Variants in SGCZ observed in about 807,000 individuals in gnomAD.
SGCZ encodes the protein sarcoglycan zeta.
A neutral mutation model predicts 41.3 loss-of-function variants in SGCZ; 40 were observed. The observed-to-expected ratio is 0.97, with a 90% CI of 0.75 to 1.26. The LOEUF is 1.26. Ranked by LOEUF, SGCZ falls within the 50% of genes most tolerant of loss-of-function variation. The pLI, the probability that SGCZ is intolerant of heterozygous loss-of-function variation, is 0.00. For missense variants in SGCZ, 552 were observed against 369.8 expected (o/e 1.49, Z -4.04); for synonymous variants, 206 against 137.5 (o/e 1.50, Z -3.49).
chr8:14,936,619 G>A (rs1248595735), intron 1 of SGCZ, among the ~76,000 whole-genome samples: 1 of 151,788 alleles, frequency 6.6e-6, no homozygotes, highest in African/African-American at 2.4e-5. Context: ...TTTGAACCCA[G>A]TCATTATAGA....
chr8:14,558,882 C>T (rs1804119873), intron 1 of SGCZ, among the ~76,000 whole-genome samples: 1 of 151,994 alleles, frequency 6.6e-6, no homozygotes, highest in South Asian at 2.1e-4. Context: ...ACAAAAATCA[C>T]ATAATCATCC....
At chr8:15,079,706 A>T (rs1343733693) in intron 1 of SGCZ, among the ~76,000 whole-genome samples, 1 of 152,172 alleles carries the variant, frequency 6.6e-6, no homozygotes, top group Non-Finnish European at 1.5e-5. Context: ...CTATTCAGAG[A>T]TTCCAACAAT....
At chr8:14,706,109 T>TC (rs898750315) in intron 1 of SGCZ, among the ~76,000 whole-genome samples, 6 of 151,834 alleles carry the variant, frequency 4.0e-5, no homozygotes, top group East Asian at 3.9e-4. Context: ...TCTAGAATTT[T>TC]CCCCCCCATG....
At chr8:14,164,057 T>G in intron 5 of SGCZ, among the ~76,000 whole-genome samples, 1 of 152,298 alleles carries the variant, frequency 6.6e-6, no homozygotes, top group Middle Eastern at 3.4e-3. Flanking sequence ...GGTGGTTGAC[T>G]TTAGTGACCC....
At chr8:14,786,209 T>A (rs1388629232) in intron 1 of SGCZ, among the ~76,000 whole-genome samples, 1 of 152,108 alleles carries the variant, frequency 6.6e-6, no homozygotes, top group Non-Finnish European at 1.5e-5. Flanking sequence ...TTTGACGAGT[T>A]TTATCAGACA....
intron 4 of SGCZ, among the ~76,000 whole-genome samples, chr8:14,231,148 A>C (rs1046715057): frequency 2.2e-5 from 2 of 92,482 alleles, no homozygotes; most frequent in Admixed American, 2.2e-4. Flanking sequence ...CCTTGCTTTG[A>C]TTCTTTGGGC....
chr8:14,778,052 T>C (rs1357295579), intron 1 of SGCZ, among the ~76,000 whole-genome samples: 1 of 152,062 alleles, frequency 6.6e-6, no homozygotes, highest in African/African-American at 2.4e-5. Context: ...GCCTCCCTAG[T>C]AGCTGAGAAT....
intron 3 of SGCZ, among the ~76,000 whole-genome samples, chr8:14,322,662 C>A (rs1428549055): frequency 6.6e-6 from 1 of 152,144 alleles, no homozygotes; most frequent in East Asian, 1.9e-4. Flanking sequence ...AGAGATAAAT[C>A]ATTTCTGCTG....
At chr8:14,674,927 T>C (rs571140611) in intron 1 of SGCZ, among the ~76,000 whole-genome samples, 2 of 89,422 alleles carry the variant, frequency 2.2e-5, no homozygotes, top group Non-Finnish European at 4.1e-5. Context: ...TTTTCTTTTC[T>C]GTTTTTTTTT....
In SGCZ at chr8:14,685,333, T is replaced by A. The variant is rs572167371; in HGVS notation, c.40-130407A>T. ...AAAAAAGATTAAAAAATTCTCTCAT[T>A]ACTATTAGAATTAGACAAAGATAGA... On this transcript the variant is annotated intron_variant, in intron 1 of 7. Coordinates refer to ENST00000382080, the MANE Select transcript of SGCZ (RefSeq NM_139167.4). Among the ~76,000 whole-genome samples, 50 of 152,230 alleles carry A rather than the reference T, an allele frequency of 3.3e-4. No individual in the cohort carries two copies. In the South Asian group the frequency reaches 0.01, roughly 32 times the overall value.
chr8:14,666,381 G>T (rs1807911198), intron 1 of SGCZ, among the ~76,000 whole-genome samples: 1 of 152,176 alleles, frequency 6.6e-6, no homozygotes, highest in Non-Finnish European at 1.5e-5. Context: ...TGTCCTGCAA[G>T]TGAATTAATA....
intron 1 of SGCZ, among the ~76,000 whole-genome samples, chr8:14,583,766 T>A (rs886932783): frequency 1.3e-5 from 2 of 152,118 alleles, no homozygotes; most frequent in Admixed American, 6.5e-5. Context: ...TATTTATCAA[T>A]AAGCATGCCA....
intron 4 of SGCZ, among the ~76,000 whole-genome samples, chr8:14,214,274 C>T (rs886408826): frequency 4.6e-5 from 7 of 152,078 alleles, no homozygotes; most frequent in African/African-American, 9.7e-5. Context: ...CTGTCAAGGT[C>T]ATCAAAATCA....
intron 3 of SGCZ, among the ~76,000 whole-genome samples, chr8:14,246,472 G>A (rs1393036332): frequency 5.3e-5 from 8 of 151,950 alleles, no homozygotes; most frequent in Admixed American, 1.3e-4. Context: ...GGGAGGGATA[G>A]CATTAGGAGA....
At chr8:14,859,822 T>A (rs1320155200) in intron 1 of SGCZ, among the ~76,000 whole-genome samples, 1 of 152,174 alleles carries the variant, frequency 6.6e-6, no homozygotes, top group Non-Finnish European at 1.5e-5. Flanking sequence ...CAAAAAGAGA[T>A]ACTTTTACTT....
Position 15,115,061 on chromosome 8 carries a change from C to G in SGCZ, c.39+122524G>C, listed in dbSNP as rs141682168. ...CTCTCAAATCTAAGAGTGTGGCAAG[C>G]TTAGCACCTTGAAACAGAAAAAAAT... On this transcript the variant is annotated intron_variant, in intron 1 of 7. Transcript: ENST00000382080. 2.4e-3 allele frequency among the ~76,000 whole-genome samples: 360 copies of G among 152,122 alleles called. 1 individual carries two copies. The highest frequency in any genetic ancestry group is 8.2e-3 in the African/African-American group (340 of 41,480).
chr8:14,451,349 T>C (rs776049361), intron 2 of SGCZ, among the ~76,000 whole-genome samples: 21 of 152,346 alleles, frequency 1.4e-4, no homozygotes, highest in Non-Finnish European at 2.4e-4. Context: ...CATCAATCTA[T>C]TGTTAGCAGT....
intron 1 of SGCZ, among the ~76,000 whole-genome samples, chr8:15,159,081 G>A (rs142446706): frequency 6.6e-6 from 1 of 152,170 alleles, no homozygotes; most frequent in African/African-American, 2.4e-5. Context: ...TGAAAGACCA[G>A]CCTTCTGAGA....
At chr8:14,249,001 T>C (rs917702649) in intron 3 of SGCZ, among the ~76,000 whole-genome samples, 8 of 152,162 alleles carry the variant, frequency 5.3e-5, no homozygotes, top group African/African-American at 1.9e-4. Flanking sequence ...TTATAGTACC[T>C]GTGATGGTTA....
Sources: allele counts gnomAD v4.1 joint callset (sites outside exome capture counted in the v4.1 genomes callset), GRCh38; gene constraint gnomAD v4.1.1; transcripts MANE v1.5; gene names NCBI Gene and HGNC (gene_info 2026-07-23, HGNC 2026-07-21).